The following OPN4 variants were observed in gnomAD, a reference collection of about 807,000 sequenced individuals.
OPN4 encodes the protein opsin 4, also known as melanopsin.
OPN4 carries 43 observed loss-of-function variants against 49.5 expected under a neutral mutation model. That is an observed-to-expected ratio of 0.87 (90% confidence interval 0.68 to 1.12). The LOEUF (loss-of-function observed/expected upper bound fraction) is 1.12, where lower values mean the gene tolerates loss of function less well. Ranked by LOEUF, OPN4 falls within the 50% of genes most tolerant of loss-of-function variation. The probability of loss-of-function intolerance (pLI) is 0.00; values close to 1 mark genes in which losing one functional copy is unlikely to be tolerated. For synonymous variants in OPN4, 263 were observed against 258.0 expected (o/e 1.02, Z -0.19); for missense variants, 657 against 643.9 (o/e 1.02, Z -0.22).
chr10:86,663,795 C>T lies in OPN4; in HGVS notation c.1391C>T (p.Pro464Leu). 1.3e-6 allele frequency: 2 copies of T among 1,552,604 alleles called. No homozygotes were observed. Among genetic ancestry groups the T allele is most frequent in the Non-Finnish European group, 1.7e-6 (2 of 1,148,100 alleles). Reference protein sequence around the residue: ...PRPQGHEAETPGKTKGLIPSQ... With the variant: ...PRPQGHEAETLGKTKGLIPSQ... ...CCCCAGGGACACGAAGCAGAGACTC[C>T]AGGGAAGGTGACTGGGCCCGGTACC... Residue 464 changes from proline to leucine, a missense_variant, in exon 9 of 10, where the codon CCA (proline) becomes CTA (leucine). Pro to Leu is a moderately conservative substitution (Grantham distance 98). Transcript: ENST00000241891.
intron 6 of OPN4, 44 bp from the exon 7 acceptor site, chr10:86,661,237 C>A: frequency 6.6e-7 from 1 of 1,510,652 alleles, no homozygotes; most frequent in Non-Finnish European, 9.2e-7. Flanking sequence ...GAAGGTGTGT[C>A]AGGAGGGCCA....
chr10:86,655,546 C>T (rs886455213), intron 1 of OPN4, among the ~76,000 whole-genome samples: 1 of 152,192 alleles, frequency 6.6e-6, no homozygotes, highest in Non-Finnish European at 1.5e-5. Flanking sequence ...TTTGTCCTGA[C>T]CTGATATGGT....
At chr10:86,659,248 G>T (rs1460366965) in intron 4 of OPN4, 49 bp from the exon 5 acceptor site, 3 of 1,472,876 alleles carry the variant, frequency 2.0e-6, no homozygotes, top group South Asian at 2.4e-5. Flanking sequence ...CAGATAAGGA[G>T]CCGTGGTCAG....
At chr10:86,656,944 C>CAA (rs10718951) in intron 2 of OPN4, among the ~76,000 whole-genome samples, 90 of 73,286 alleles carry the variant, frequency 1.2e-3, no homozygotes, top group Non-Finnish European at 1.8e-3. Context: ...GACTCCATCT[C>CAA]AAAAAAAAAA....
chr10:86,658,457 G>T, intron 3 of OPN4, 27 bp from the exon 4 acceptor site: 1 of 1,610,392 alleles, frequency 6.2e-7, no homozygotes, highest in South Asian at 1.1e-5. Flanking sequence ...TCCTCCCCAG[G>T]ACTCAGAGCA....
At chr10:86,663,223 C>G (rs887726648) in intron 8 of OPN4, among the ~76,000 whole-genome samples, 23 of 152,142 alleles carry the variant, frequency 1.5e-4, no homozygotes, top group African/African-American at 5.3e-4. Context: ...AAGACTGCCG[C>G]CAACTGACCG....
At chr10:86,663,529 C>T in intron 8 of OPN4, 130 bp from the exon 9 acceptor site, 1 of 798,846 alleles carries the variant, frequency 1.3e-6, no homozygotes, top group Non-Finnish European at 1.8e-6. Flanking sequence ...GGCAACGGTG[C>T]AAATGGTGTC....
At position 86,659,547 on chromosome 10, in the gene OPN4, C is replaced by G. The variant is rs866079382; in HGVS notation, c.800+79C>G. The G allele has an allele frequency of 1.1e-5, 16 of 1,521,842 alleles. No individual in the cohort carries two copies. In the Middle Eastern group the frequency reaches 2.1e-3, roughly 198 times the overall value. The allele number at this position is 1,521,842 out of a possible 1,614,324, so 94.3% of individuals were successfully genotyped here. On this transcript the variant is annotated intron_variant, in intron 5 of 9. Coordinates refer to ENST00000241891, the MANE Select transcript of OPN4 (RefSeq NM_033282.4). ...GGCGGCCCCTGCCCCACCACTCACA[C>G]CTGCACCAGCCTACCAGAGCATGAC...
chr10:86,665,782 A>G lies in OPN4; in HGVS notation c.*31A>G. On this transcript the variant is annotated 3_prime_UTR_variant, in exon 10 of 10. Coordinates refer to ENST00000241891, the MANE Select transcript of OPN4 (RefSeq NM_033282.4). ...CCACTGGCTCTCCCTTTCTTCTGAG[A>G]CACATCCAGCCCCCCCACGTCTCCC... The G allele has an allele frequency of 6.3e-7, 1 of 1,588,350 alleles. No individual in the cohort carries two copies. Among genetic ancestry groups the G allele is most frequent in the Non-Finnish European group, 8.6e-7 (1 of 1,157,228 alleles).
At position 86,661,367 on chromosome 10, in the gene OPN4, C is replaced by A; in HGVS notation, c.1052C>A (p.Ala351Asp). Residue 351 changes from alanine (A) to aspartate (D), a missense_variant, in exon 7 of 10, where the codon GCC becomes GAC. Transcript: ENST00000241891. ...GCAATCCACAACCCCATCATTTACG[C>A]CATCACCCACCCCAAGTACAGGTGT... Reference protein sequence around the residue: ...ASAIHNPIIYAITHPKYRVAI... With the variant: ...ASAIHNPIIYDITHPKYRVAI... 1 of 1,613,862 alleles carries A rather than the reference C, an allele frequency of 6.2e-7. No individual in the cohort carries two copies. The highest frequency in any genetic ancestry group is 8.5e-7 in the Non-Finnish European group (1 of 1,179,746).
chr10:86,661,448 G>A (rs1844006257), intron 7 of OPN4, 60 bp downstream of exon 7: 2 of 1,266,826 alleles, frequency 1.6e-6, no homozygotes, highest in Non-Finnish European at 2.3e-6. Flanking sequence ...TGCCGATGGG[G>A]GCAGAGGCCA....
chr10:86,654,816 C>A lies in OPN4; in HGVS notation c.33C>A (p.Pro11=). ...CTCCTTCGGGGCCAAGAGTCCCGCC[C>A]AGCCCAACCCAAGAGCCCAGCTGCA... MNPPSGPRVP[P]SPTQEPSCMA... The change falls in exon 1 of 10, where the codon CCC becomes CCA. Residue 11 remains proline (P), a synonymous_variant. Coordinates refer to ENST00000241891, the MANE Select transcript of OPN4 (RefSeq NM_033282.4). The A allele has an allele frequency of 6.4e-7, 1 of 1,560,064 alleles. No individual in the cohort carries two copies. Among genetic ancestry groups the A allele is most frequent in the Non-Finnish European group, 8.8e-7 (1 of 1,132,532 alleles).
intron 2 of OPN4, among the ~76,000 whole-genome samples, chr10:86,657,417 G>A (rs1234624146): frequency 6.6e-6 from 1 of 152,152 alleles, no homozygotes; most frequent in East Asian, 1.9e-4. Flanking sequence ...CGGCCGTGGT[G>A]CACAGCCATC....
At position 86,665,747 on chromosome 10, in the gene OPN4, T is replaced by C. The variant is rs1844154660; in HGVS notation, c.1433T>C (p.Met478Thr). 3 of 1,613,100 alleles carry C rather than the reference T, an allele frequency of 1.9e-6. No individual in the cohort carries two copies. The highest frequency in any genetic ancestry group is 2.2e-5 in the East Asian group (1 of 44,872). ...CTGATCCCCAGCCAGGACCCCAGGA[T>C]GTAGGACGCCCACTGGCTCTCCCTT... Reference protein sequence around the residue: ...KGLIPSQDPRM With the variant: ...KGLIPSQDPRT Residue 478 changes from methionine (M) to threonine (T), a missense_variant, in exon 10 of 10, where the codon ATG becomes ACG. Coordinates refer to ENST00000241891, the MANE Select transcript of OPN4 (RefSeq NM_033282.4).
At chr10:86,659,676 G>T (rs1291105642) in intron 5 of OPN4, among the ~76,000 whole-genome samples, 1 of 152,208 alleles carries the variant, frequency 6.6e-6, no homozygotes, top group Non-Finnish European at 1.5e-5. Flanking sequence ...ATGGCAGAGG[G>T]AGGAGAGAAG....
intron 8 of OPN4, 88 bp downstream of exon 8, chr10:86,662,520 A>G: frequency 7.6e-7 from 1 of 1,319,778 alleles, no homozygotes; most frequent in Non-Finnish European, 1.0e-6. Flanking sequence ...AGGCCCTGGC[A>G]GGGCTGCCTC....
intron 9 of OPN4, among the ~76,000 whole-genome samples, chr10:86,664,395 G>A (rs117097623): frequency 1.1e-4 from 17 of 152,300 alleles, no homozygotes; most frequent in African/African-American, 2.2e-4. Context: ...GATGTCACCC[G>A]GAATACTTGT....
At chr10:86,655,025 A>G (rs982619925) in intron 1 of OPN4, 98 bp downstream of exon 1, 2 of 1,288,968 alleles carry the variant, frequency 1.6e-6, no homozygotes, top group Non-Finnish European at 1.1e-6. Context: ...GAGATAGAAA[A>G]GGTCTGAACT....
chr10:86,660,851 G>C (rs891516506), intron 6 of OPN4, among the ~76,000 whole-genome samples: 1 of 152,134 alleles, frequency 6.6e-6, no homozygotes, highest in Admixed American at 6.5e-5. Context: ...CATAGGCCAG[G>C]CATGGTGGCT....
Sources: gnomAD v4.1 joint callset for allele counts (sites outside exome capture counted in the v4.1 genomes callset) on GRCh38, gnomAD v4.1.1 for gene constraint, MANE v1.5 for transcripts, NCBI Gene and HGNC (gene_info 2026-07-23, HGNC 2026-07-21) for gene names.